ECT2: variants seen among roughly 807,000 people sequenced by gnomAD.
ECT2 encodes epithelial cell transforming 2.
ECT2 carries 61 observed loss-of-function variants against 116.9 expected under a neutral mutation model. The observed-to-expected ratio is 0.52, with a 90% CI of 0.42 to 0.65. The LOEUF is 0.65. Ranked by LOEUF, ECT2 falls within the 30% of genes least tolerant of loss-of-function variation. The probability of loss-of-function intolerance (pLI) is 0.00; values close to 1 mark genes in which losing one functional copy is unlikely to be tolerated. For missense variants in ECT2, 937 were observed against 1,078.7 expected, an observed-to-expected ratio of 0.87 and a Z score of 1.84; for synonymous variants, 358 against 346.4, an observed-to-expected ratio of 1.03 and a Z score of -0.37.
At chr3:172,809,465 G>A (rs1258738084) in intron 22 of ECT2, among the ~76,000 whole-genome samples, 1 of 151,626 alleles carries the variant, frequency 6.6e-6, no homozygotes, top group Non-Finnish European at 1.5e-5. Context: ...TCAGGTACTC[G>A]GTGACTTTGG....
downstream of ECT2, among the ~76,000 whole-genome samples, chr3:172,825,139 G>T (rs1730810503): frequency 6.6e-6 from 1 of 151,988 alleles, no homozygotes; most frequent in African/African-American, 2.4e-5. Context: ...TATAACTTTT[G>T]GTGATCTGTG....
intron 21 of ECT2, 138 bp downstream of exon 21, chr3:172,806,007 T>C: frequency 2.3e-6 from 2 of 874,524 alleles, no homozygotes; most frequent in South Asian, 3.8e-5. Context: ...GTAATTGTTC[T>C]TGCACCTCTA....
intron 24 of ECT2, chr3:172,818,705 A>G (rs1730209157): frequency 7.8e-7 from 1 of 1,288,868 alleles, no homozygotes; most frequent in Admixed American, 2.3e-5. Flanking sequence ...CTAGAAGGAA[A>G]TACTGATTTT....
At chr3:172,824,013 G>C (rs79523143), downstream of ECT2, among the ~76,000 whole-genome samples, 692 of 146,026 alleles carry the variant, frequency 4.7e-3, 9 homozygotes, top group South Asian at 0.044. Flanking sequence ...TGTTCCTTCC[G>C]CTGCTTTTCT....
In ECT2 at chr3:172,815,715, A is replaced by G. The variant is rs753775890; in HGVS notation, c.2508+4A>G. 8.6e-5 allele frequency: 134 copies of G among 1,549,978 alleles called. No homozygotes were observed. Among genetic ancestry groups the G allele is most frequent in the Non-Finnish European group, 1.1e-4 (128 of 1,131,176 alleles). On this transcript the variant is annotated splice_donor_region_variant and intron_variant, in intron 23 of 24. Coordinates refer to ENST00000392692, the MANE Select transcript of ECT2 (RefSeq NM_001258315.2). ...AATAAAAAAGACTTCAAAAAAGGTG[A>G]GTTTTAGTGAAAGTATTATTTAGCA...
chr3:172,802,417 G>T (rs1224564645), intron 18 of ECT2, among the ~76,000 whole-genome samples, 199 bp from the exon 19 acceptor site: 1 of 152,060 alleles, frequency 6.6e-6, no homozygotes, highest in Non-Finnish European at 1.5e-5. Flanking sequence ...CTGGCCGGAA[G>T]TTGCTTGTTT....
At position 172,811,435 on chromosome 3, in the gene ECT2, C is replaced by A. The variant is rs559470860; in HGVS notation, c.2400+3511C>A. Among the ~76,000 whole-genome samples the A allele has an allele frequency of 6.6e-5, 10 of 152,210 alleles. No individual in the cohort carries two copies. The South Asian group carries it at 1.5e-3, about 22-fold the overall frequency. On this transcript the variant is annotated intron_variant, in intron 22 of 24. Transcript: ENST00000392692. ...CACTAGTGAACTAGCAATATGTTCA[C>A]CCTTTCAGTCATTCTGAACTCAGAA...
At position 172,800,280 on chromosome 3, in the gene ECT2, A is replaced by G. The variant is rs190319658; in HGVS notation, c.1908-2336A>G. On this transcript the variant is annotated intron_variant, in intron 18 of 24. Coordinates refer to ENST00000392692, the MANE Select transcript of ECT2 (RefSeq NM_001258315.2). ...TAAGCCCAGCTGCTTAAAATGGCCTAGTGTAATCCTAAGACTGGTTTTACT... is the reference window on the plus strand; with the variant it reads ...TAAGCCCAGCTGCTTAAAATGGCCTGGTGTAATCCTAAGACTGGTTTTACT... Among the ~76,000 whole-genome samples the G allele has an allele frequency of 2.0e-5, 3 of 152,312 alleles. No individual in the cohort carries two copies. The East Asian group carries it at 5.8e-4, about 29-fold the overall frequency.
At chr3:172,789,616 T>G (rs1724277829) in intron 18 of ECT2, among the ~76,000 whole-genome samples, 1 of 152,198 alleles carries the variant, frequency 6.6e-6, no homozygotes, top group African/African-American at 2.4e-5. Context: ...TAACCCATAT[T>G]AAACTGCAAA....
At chr3:172,825,992 C>G (rs1325183220), downstream of ECT2, among the ~76,000 whole-genome samples, 1 of 152,214 alleles carries the variant, frequency 6.6e-6, no homozygotes, top group Non-Finnish European at 1.5e-5. Flanking sequence ...CTCCTGAGTT[C>G]AAGCAATTCC....
In ECT2 at chr3:172,805,840, A is replaced by G; in HGVS notation, c.2216A>G (p.Lys739Arg). ...HIHLMPLSQI[K>R]KVLDIRETED... ...CACCTAATGCCTCTTTCTCAGATTA[A>G]GAAGGTATTGGACATAAGAGAGACA... The change falls in exon 21 of 25, where the codon AAG becomes AGG. Residue 739 changes from lysine to arginine, a missense_variant. Coordinates refer to ENST00000392692, the MANE Select transcript of ECT2 (RefSeq NM_001258315.2). 1 of 1,613,782 alleles carries G rather than the reference A, an allele frequency of 6.2e-7. No individual in the cohort carries two copies. Among genetic ancestry groups the G allele is most frequent in the African/African-American group, 1.3e-5 (1 of 75,042 alleles).
chr3:172,825,554 C>T (rs146546775), downstream of ECT2, among the ~76,000 whole-genome samples: 75 of 152,200 alleles, frequency 4.9e-4, no homozygotes, highest in African/African-American at 1.7e-3. Flanking sequence ...ATTGCTGATA[C>T]GAAGAAAGTT....
At chr3:172,775,773 A>G (rs960642186) in intron 14 of ECT2, among the ~76,000 whole-genome samples, 3 of 151,758 alleles carry the variant, frequency 2.0e-5, no homozygotes, top group Non-Finnish European at 4.4e-5. Flanking sequence ...AGCTGGGACT[A>G]CAGGCATGCA....
intron 1 of ECT2, among the ~76,000 whole-genome samples, chr3:172,751,547 TAA>T (rs1252876552): frequency 6.6e-6 from 1 of 151,748 alleles, no homozygotes; most frequent in East Asian, 1.9e-4. Context: ...TGCCACGTAT[TAA>T]GCGTTAAGTA....
At chr3:172,821,790 A>G (rs891115811), downstream of ECT2, among the ~76,000 whole-genome samples, 9 of 151,994 alleles carry the variant, frequency 5.9e-5, no homozygotes, top group African/African-American at 2.2e-4. Flanking sequence ...TTTTCCCCCA[A>G]AAGAGTGGGG....
At chr3:172,776,191 GTTTTTTCTTT>G (rs1298731806) in intron 14 of ECT2, among the ~76,000 whole-genome samples, 7 of 107,006 alleles carry the variant, frequency 6.5e-5, no homozygotes, top group East Asian at 5.1e-4. Context: ...TAGTTTTTCA[GTTTTTTCTTT>G]TTTTTTTTTT....
chr3:172,759,629 A>G (rs547872449), intron 6 of ECT2, among the ~76,000 whole-genome samples: 2 of 152,086 alleles, frequency 1.3e-5, no homozygotes, highest in African/African-American at 4.8e-5. Context: ...TATTTTTAGT[A>G]GAGATGGGGT....
intron 14 of ECT2, among the ~76,000 whole-genome samples, chr3:172,778,295 T>C (rs1397806911): frequency 6.6e-6 from 1 of 152,190 alleles, no homozygotes; most frequent in Non-Finnish European, 1.5e-5. Context: ...GAATTTCTGA[T>C]GTATTATAGA....
intron 22 of ECT2, among the ~76,000 whole-genome samples, chr3:172,810,732 G>A (rs1728621551): frequency 6.6e-6 from 1 of 152,196 alleles, no homozygotes; most frequent in Non-Finnish European, 1.5e-5. Flanking sequence ...TAACTCACGA[G>A]TAAACAGGTT....
Sources: allele counts gnomAD v4.1 joint callset (sites outside exome capture counted in the v4.1 genomes callset), GRCh38; gene constraint gnomAD v4.1.1; transcripts MANE v1.5; gene names NCBI Gene and HGNC (gene_info 2026-07-23, HGNC 2026-07-21).